Variants in GPR155 observed in about 807,000 individuals in gnomAD.
GPR155 encodes the protein G protein-coupled receptor 155, also known as lysosomal cholesterol signaling protein.
A neutral mutation model predicts 93.1 loss-of-function variants in GPR155; 65 were observed. The ratio of observed to expected loss-of-function variants is 0.70; its 90% CI spans 0.57 to 0.86. The LOEUF (loss-of-function observed/expected upper bound fraction) is 0.86, where lower values mean the gene tolerates loss of function less well. GPR155 is among the 40% of genes least tolerant of loss of function. The pLI, the probability that GPR155 is intolerant of heterozygous loss-of-function variation, is 0.00. For missense variants in GPR155, 838 were observed against 1,034.8 expected (o/e 0.81, Z 2.61); for synonymous variants, 319 against 360.1 (o/e 0.89, Z 1.29).
chr2:174,441,866 C>T (rs953593279), intron 14 of GPR155, among the ~76,000 whole-genome samples: 1 of 152,000 alleles, frequency 6.6e-6, no homozygotes, highest in Admixed American at 6.6e-5. Context: ...CCTCAACCTC[C>T]TGAGTAGCTG....
At chr2:174,473,455 G>A (rs1194253593) in intron 2 of GPR155, 91 bp from the exon 3 acceptor site, 2 of 857,434 alleles carry the variant, frequency 2.3e-6, no homozygotes, top group South Asian at 2.1e-5. Flanking sequence ...TTATAGCAAT[G>A]ATAAATCTAA....
At chr2:174,444,770 A>C (rs1687066947) in intron 13 of GPR155, among the ~76,000 whole-genome samples, 1 of 152,086 alleles carries the variant, frequency 6.6e-6, no homozygotes, top group African/African-American at 2.4e-5. Context: ...TGCTGGGGTT[A>C]CAGGTGTGAG....
rs983157497 is a variant in GPR155, at chr2:174,449,392, GA to G, written c.1877-2646del. On this transcript the variant is annotated intron_variant, in intron 11 of 15. Transcript: ENST00000392552. ...CCCATTACTGGGTACATATCCAAAAGAAAAAAAATGGTTCTACCAAAAGACT... is the reference window on the plus strand; with the variant it reads ...CCCATTACTGGGTACATATCCAAAAGAAAAAAATGGTTCTACCAAAAGACT... Among the ~76,000 whole-genome samples the G allele has an allele frequency of 7.2e-5, 11 of 151,852 alleles. No homozygotes were observed. The East Asian group carries it at 2.1e-3, about 29-fold the overall frequency.
At chr2:174,439,657 T>C (rs1396151859) in intron 15 of GPR155, among the ~76,000 whole-genome samples, 1 of 152,202 alleles carries the variant, frequency 6.6e-6, no homozygotes, top group African/African-American at 2.4e-5. Context: ...TGTTCACATT[T>C]TATATGGCAA....
chr2:174,454,844 A>G (rs1687462573), intron 10 of GPR155, among the ~76,000 whole-genome samples: 1 of 77,668 alleles, frequency 1.3e-5, no homozygotes, highest in African/African-American at 3.5e-5. Flanking sequence ...AAGGAAGGAA[A>G]AGGAAGGAAG....
rs557536581 is a variant in GPR155, at chr2:174,470,619, T to G, written c.861-64A>C. 1.6e-5 allele frequency: 23 copies of G among 1,465,930 alleles called. No homozygotes were observed. The East Asian group carries it at 5.0e-4, about 32-fold the overall frequency. The allele number at this position is 1,465,930 out of a possible 1,614,324, so 90.8% of individuals were successfully genotyped here. A position where few individuals can be genotyped will look rare whatever the true frequency, so the allele number is the denominator to read the frequency against. ...AGCATGGTTGTCCCCAGTAGCAGGC[T>G]GCTCTGGTGAATTTGGCATCAGGTT... On this transcript the variant is annotated intron_variant, in intron 3 of 15. Transcript: ENST00000392552.
chr2:174,480,999 G>C (rs62175272), intron 2 of GPR155, among the ~76,000 whole-genome samples: 21,516 of 151,948 alleles, frequency 0.14, 1,627 homozygotes, highest in African/African-American at 0.19. Context: ...GGCTGGTCTC[G>C]AACTCCTAGG....
At chr2:174,452,663 CT>C (rs1478667526) in intron 11 of GPR155, among the ~76,000 whole-genome samples, 4 of 151,762 alleles carry the variant, frequency 2.6e-5, no homozygotes, top group Admixed American at 1.3e-4. Flanking sequence ...TTTTTTCCCC[CT>C]AGATGGAGTC....
intron 7 of GPR155, among the ~76,000 whole-genome samples, chr2:174,464,630 T>C (rs1255926758): frequency 2.0e-5 from 3 of 151,552 alleles, no homozygotes; most frequent in Non-Finnish European, 4.4e-5. Context: ...TTTAATTGAT[T>C]GATCTAGTTG....
chr2:174,446,500 G>C (rs1687135179), intron 12 of GPR155, 111 bp downstream of exon 12: 1 of 914,156 alleles, frequency 1.1e-6, no homozygotes, highest in South Asian at 1.6e-5. Context: ...AGGTGACCTA[G>C]CTACCACACT....
intron 2 of GPR155, among the ~76,000 whole-genome samples, chr2:174,480,630 A>G (rs762311834): frequency 6.6e-6 from 1 of 152,222 alleles, no homozygotes; most frequent in Non-Finnish European, 1.5e-5. Flanking sequence ...TAGAAACATA[A>G]AATTAGGCTG....
chr2:174,446,655 G>A lies in GPR155; in HGVS notation c.1969C>T (p.Arg657Ter), dbSNP rs573293244. ...AGAAGTAAACACAGCAACACATGTC[G>A]GGTCAGTTGCTGGTCTCCACTCTGT... Reference protein sequence around the residue: ...YLQSGDQQLTRHVLLCLLLII... With the variant: ...YLQSGDQQLT The change falls in exon 12 of 16, where the codon CGA becomes TGA. Residue 657 changes from arginine (R) to a stop codon, truncating the protein, a stop_gained. Coordinates refer to ENST00000392552, the MANE Select transcript of GPR155 (RefSeq NM_152529.7). LOFTEE classifies it high-confidence loss of function. The A allele has an allele frequency of 2.7e-5, 43 of 1,613,872 alleles. No homozygotes were observed. In the South Asian group the frequency reaches 2.9e-4, roughly 11 times the overall value.
rs78075734 is a variant in GPR155 at position 174,486,719 on chromosome 2, A to G, written c.-32+154T>C. On this transcript the variant is annotated intron_variant, in intron 1 of 15. Coordinates refer to ENST00000392552, the MANE Select transcript of GPR155 (RefSeq NM_152529.7). ...TCCACAGGCAGGCGCTGCGGGGCAG[A>G]GACAGCAGGTCCAGACAACGGGCCG... is the stretch of plus-strand genomic sequence containing the variant. Among the ~76,000 whole-genome samples the G allele has an allele frequency of 4.2e-4, 64 of 152,186 alleles. 3 individuals are homozygous for G. In the East Asian group the frequency reaches 9.5e-3, roughly 23 times the overall value.
Position 174,459,934 on chromosome 2 carries a change from T to A in GPR155, c.1715A>T (p.Glu572Val). The change falls in exon 10 of 16, where the codon GAG (glutamate) becomes GTG (valine). Residue 572 changes from glutamate (E) to valine (V), a missense_variant. Physicochemically the swap from Glu to Val is moderately radical, Grantham distance 121. Around this residue, in one of 3 missense-constraint regions of GPR155, gnomAD observed 663 missense variants for 790.1 expected, o/e 0.84. Transcript: ENST00000392552. ...VVEPGNTAFE[E>V]SPAPVNEPEL... ...TGGTTCATTTACTGGTGCTGGACTC[T>A]CCTCAAAAGCAGTATTTCCAGGCTC... The A allele has an allele frequency of 6.2e-7, 1 of 1,614,144 alleles. No homozygotes were observed. Among genetic ancestry groups the A allele is most frequent in the East Asian group, 2.2e-5 (1 of 44,880 alleles).
At chr2:174,478,937 T>C (rs532178739) in intron 2 of GPR155, among the ~76,000 whole-genome samples, 1 of 151,988 alleles carries the variant, frequency 6.6e-6, no homozygotes, top group South Asian at 2.1e-4. Context: ...TACTCACCCC[T>C]AATAGTTCTA....
At chr2:174,440,347 C>T (rs927733298) in intron 14 of GPR155, among the ~76,000 whole-genome samples, 2 of 152,182 alleles carry the variant, frequency 1.3e-5, no homozygotes, top group African/African-American at 4.8e-5. Flanking sequence ...GTTCCTTACT[C>T]TACATTCTAC....
chr2:174,453,893 G>C (rs912594914), intron 10 of GPR155, 52 bp from the exon 11 acceptor site: 9 of 1,214,426 alleles, frequency 7.4e-6, no homozygotes, highest in Non-Finnish European at 1.1e-5. Context: ...AACAGAAATG[G>C]ACAATTTTAA....
intron 14 of GPR155, 94 bp downstream of exon 14, chr2:174,442,025 A>T: frequency 1.3e-6 from 1 of 751,902 alleles, no homozygotes; most frequent in East Asian, 2.6e-5. Flanking sequence ...TGGGATTACA[A>T]GTAGCCACCA....
chr2:174,460,313 A>C (rs1687652670), intron 9 of GPR155, among the ~76,000 whole-genome samples: 1 of 151,796 alleles, frequency 6.6e-6, no homozygotes, highest in African/African-American at 2.4e-5. Flanking sequence ...GGCGCCCGCC[A>C]CCACAACCCA....
Sources: allele counts gnomAD v4.1 joint callset (sites outside exome capture counted in the v4.1 genomes callset), GRCh38; gene constraint gnomAD v4.1.1; regional missense constraint gnomAD v4.1.1; transcripts MANE v1.5; gene names NCBI Gene and HGNC (gene_info 2026-07-23, HGNC 2026-07-21).